Variants in MIPOL1 observed in about 807,000 individuals in gnomAD.
MIPOL1 encodes the protein mirror-image polydactyly gene 1 protein.
A neutral mutation model predicts 60.9 loss-of-function variants in MIPOL1; 57 were observed. The observed-to-expected ratio is 0.94, with a 90% confidence interval of 0.76 to 1.17. The LOEUF (loss-of-function observed/expected upper bound fraction) is 1.17, where lower values mean the gene tolerates loss of function less well. Ranked by LOEUF, MIPOL1 falls within the 50% of genes most tolerant of loss-of-function variation. MIPOL1 has a pLI of 0.00. For missense variants in MIPOL1, 551 were observed against 511.6 expected (o/e 1.08, Z -0.74); for synonymous variants, 179 against 168.8 (o/e 1.06, Z -0.47).
intron 9 of MIPOL1, among the ~76,000 whole-genome samples, chr14:37,328,008 A>G (rs1420705716): frequency 6.7e-6 from 1 of 149,980 alleles, no homozygotes; most frequent in Non-Finnish European, 1.5e-5. Context: ...TTTGCAGAAA[A>G]TTTTCTGTTT....
At chr14:37,277,936 A>T (rs2083803004) in intron 6 of MIPOL1, 1 of 151,458 alleles carries the variant, frequency 6.6e-6, no homozygotes, top group African/African-American at 2.4e-5. Context: ...CTGCTATTTT[A>T]TATTTTTTAA....
At chr14:37,345,333 G>C (rs2090872693) in intron 9 of MIPOL1, among the ~76,000 whole-genome samples, 1 of 152,126 alleles carries the variant, frequency 6.6e-6, no homozygotes, top group Non-Finnish European at 1.5e-5. Flanking sequence ...CTTGACTCCT[G>C]GACTTAAGTG....
intron 12 of MIPOL1, among the ~76,000 whole-genome samples, chr14:37,509,320 G>A (rs1048085473): frequency 6.6e-6 from 1 of 151,670 alleles, no homozygotes; most frequent in Non-Finnish European, 1.5e-5. Context: ...TTATATGTAT[G>A]CATGTGTATA....
intron 11 of MIPOL1, among the ~76,000 whole-genome samples, chr14:37,483,517 A>G (rs912245860): frequency 6.6e-6 from 1 of 152,180 alleles, no homozygotes; most frequent in East Asian, 1.9e-4. Flanking sequence ...CTGTATGTCC[A>G]TATATTCAGA....
intron 1 of MIPOL1, among the ~76,000 whole-genome samples, chr14:37,200,901 T>TGTA (rs551548144): frequency 1.6e-4 from 8 of 48,792 alleles, no homozygotes; most frequent in Admixed American, 4.4e-4. Flanking sequence ...TGTGTGTGTA[T>TGTA]TTTTTTTTTT....
intron 12 of MIPOL1, among the ~76,000 whole-genome samples, chr14:37,516,978 A>C (rs2095374047): frequency 6.6e-6 from 1 of 152,184 alleles, no homozygotes; most frequent in African/African-American, 2.4e-5. Flanking sequence ...CATTCCTAAT[A>C]CTTTTATCTA....
chr14:37,277,379 A>G (rs888202301), intron 6 of MIPOL1: 1 of 151,278 alleles, frequency 6.6e-6, no homozygotes, highest in Non-Finnish European at 1.5e-5. Flanking sequence ...ATATTTCAAA[A>G]GACATACAAT....
rs1441479755 is a variant in MIPOL1 at position 37,549,072 on chromosome 14, A to G, written c.*2101A>G. 1 of 151,974 alleles carries G rather than the reference A, an allele frequency of 6.6e-6. No individual in the cohort carries two copies. Among genetic ancestry groups the G allele is most frequent in the African/African-American group, 2.4e-5 (1 of 41,452 alleles). 9.4% of individuals were successfully genotyped at this position (151,974 alleles called of 1,614,324 possible). Reference sequence around the variant, plus strand: ...TTTCTTACACTTAAAAGTGTCCATCAACAGTGTGTCAGATGGTCTTTATAT... The same window carrying G: ...TTTCTTACACTTAAAAGTGTCCATCGACAGTGTGTCAGATGGTCTTTATAT... On this transcript the variant is annotated 3_prime_UTR_variant, in exon 13 of 13. Transcript: ENST00000684589.
intron 1 of MIPOL1, among the ~76,000 whole-genome samples, chr14:37,229,029 C>G (rs1970214591): frequency 1.4e-5 from 2 of 141,152 alleles, no homozygotes; most frequent in Admixed American, 1.5e-4. Flanking sequence ...TCAACAATTT[C>G]ATCAAACATC....
At chr14:37,487,048 G>A (rs779860079) in intron 11 of MIPOL1, among the ~76,000 whole-genome samples, 1 of 151,954 alleles carries the variant, frequency 6.6e-6, no homozygotes, top group Non-Finnish European at 1.5e-5. Context: ...GCATTAAGGG[G>A]TGTTGAATTT....
intron 9 of MIPOL1, among the ~76,000 whole-genome samples, chr14:37,309,711 G>A (rs1259430670): frequency 6.8e-6 from 1 of 148,032 alleles, no homozygotes; most frequent in Non-Finnish European, 1.5e-5. Flanking sequence ...TTTTTAGACA[G>A]AGTCTTGGTC....
intron 11 of MIPOL1, among the ~76,000 whole-genome samples, chr14:37,472,210 CTA>C (rs1458004081): frequency 6.6e-6 from 1 of 152,050 alleles, no homozygotes; most frequent in Admixed American, 6.6e-5. Context: ...TAAAATAAAA[CTA>C]TGTATTTAAC....
intron 9 of MIPOL1, among the ~76,000 whole-genome samples, chr14:37,326,364 G>A (rs2089159916): frequency 6.6e-6 from 1 of 152,218 alleles, no homozygotes; most frequent in Admixed American, 6.5e-5. Context: ...GCAATGCTCT[G>A]TGGGATACCA....
chr14:37,239,110 C>T (rs1450067960), intron 1 of MIPOL1, among the ~76,000 whole-genome samples: 7 of 141,882 alleles, frequency 4.9e-5, no homozygotes, highest in East Asian at 2.0e-4. Flanking sequence ...AGTGCAGTGG[C>T]GCTCGGCTCA....
chr14:37,489,549 G>T lies in MIPOL1; in HGVS notation c.1032-10359G>T, dbSNP rs180910255. ...GACATTCTGGTTTTTGGAATTTTCA[G>T]TCTTTTTCTGCTGGTTTCTCCCCAT... On this transcript the variant is annotated intron_variant, in intron 11 of 12. Transcript: ENST00000684589. 2.3e-3 allele frequency among the ~76,000 whole-genome samples: 357 copies of T among 152,302 alleles called. 1 individual carries two copies. The highest frequency in any genetic ancestry group is 4.1e-3 in the Non-Finnish European group (276 of 68,018).
At chr14:37,452,581 T>C (rs781000051) in intron 11 of MIPOL1, among the ~76,000 whole-genome samples, 1 of 152,210 alleles carries the variant, frequency 6.6e-6, no homozygotes, top group Non-Finnish European at 1.5e-5. Context: ...TTGTCATGAA[T>C]TTTTTATTAA....
At chr14:37,267,937 T>C (rs2083004808) in intron 4 of MIPOL1, among the ~76,000 whole-genome samples, 1 of 152,166 alleles carries the variant, frequency 6.6e-6, no homozygotes, top group African/African-American at 2.4e-5. Context: ...CTCATTATTT[T>C]ACTTTCTCAG....
At chr14:37,481,472 C>T (rs1053460629) in intron 11 of MIPOL1, among the ~76,000 whole-genome samples, 1 of 151,454 alleles carries the variant, frequency 6.6e-6, no homozygotes, top group Non-Finnish European at 1.5e-5. Flanking sequence ...AAATGATATA[C>T]AGATTCAGTG....
chr14:37,390,258 A>T (rs532097259), intron 10 of MIPOL1, among the ~76,000 whole-genome samples: 3 of 152,116 alleles, frequency 2.0e-5, no homozygotes, highest in African/African-American at 7.2e-5. Flanking sequence ...CTAGAGGCTA[A>T]CTGACCCCCA....
Sources: gnomAD v4.1 joint callset for allele counts (sites outside exome capture counted in the v4.1 genomes callset) on GRCh38, gnomAD v4.1.1 for gene constraint, MANE v1.5 for transcripts, NCBI Gene and HGNC (gene_info 2026-07-23, HGNC 2026-07-21) for gene names.